Variants in TRMT10B observed in about 807,000 individuals in gnomAD.
The protein encoded by TRMT10B is tRNA methyltransferase 10 homolog B.
In TRMT10B, 33 loss-of-function variants were observed where a neutral mutation model predicts 43.8. The ratio of observed to expected loss-of-function variants is 0.75; its 90% CI spans 0.57 to 1.01. The LOEUF (loss-of-function observed/expected upper bound fraction) is 1.01. TRMT10B is among the 50% of genes least tolerant of loss of function. TRMT10B has a pLI of 0.00. For synonymous variants in TRMT10B, 137 were observed against 130.6 expected (o/e 1.05, Z -0.34); for missense variants, 362 against 369.8 (o/e 0.98, Z 0.17).
intron 3 of TRMT10B, 99 bp from the exon 4 acceptor site, chr9:37,763,530 T>C (rs1826641082): frequency 9.7e-7 from 1 of 1,028,450 alleles, no homozygotes; most frequent in Non-Finnish European, 1.4e-6. Context: ...GTATCAAGTT[T>C]CTCTTTATAT....
At position 37,778,384 on chromosome 9, in the gene TRMT10B, G is replaced by A. The variant is rs1229555016; in HGVS notation, c.*677G>A. 6.6e-6 allele frequency: 1 copy of A among 152,114 alleles called. No individual in the cohort carries two copies. Among genetic ancestry groups the A allele is most frequent in the Non-Finnish European group, 1.5e-5 (1 of 68,096 alleles). 9.4% of individuals were successfully genotyped at this position (152,114 alleles called of 1,614,324 possible). On this transcript the variant is annotated 3_prime_UTR_variant, in exon 9 of 9. Transcript: ENST00000297994. ...ACAAAAATTAGCTGGGCATGGTGGT[G>A]CGTGCCTGTAGTCTCAGCTACTCAG...
In TRMT10B at chr9:37,763,734, C is replaced by A. The variant is rs770578202; in HGVS notation, c.401C>A (p.Thr134Asn). The A allele has an allele frequency of 3.7e-6, 6 of 1,613,980 alleles. No homozygotes were observed. In the African/African-American group the frequency reaches 8.0e-5, roughly 22 times the overall value. The stretch of plus-strand genomic sequence containing the variant: ...AGACTATGTATCGATTTGAGTATGA[C>A]CCACTACATGTCAAAGAAGGTAGAA... ...GPRLCIDLSM[T>N]HYMSKKELSR... The change falls in exon 4 of 9, where the codon ACC (threonine) becomes AAC (asparagine). Residue 134 changes from threonine to asparagine, a missense_variant. Coordinates refer to ENST00000297994, the MANE Select transcript of TRMT10B (RefSeq NM_144964.4).
chr9:37,759,526 T>TG (rs1482705577), intron 1 of TRMT10B, among the ~76,000 whole-genome samples: 4 of 152,200 alleles, frequency 2.6e-5, no homozygotes, highest in African/African-American at 9.6e-5. Flanking sequence ...TTAAACTTTC[T>TG]GGGGAGTGAG....
chr9:37,767,019 T>C (rs1232218053), intron 4 of TRMT10B: 1 of 152,208 alleles, frequency 6.6e-6, no homozygotes, highest in Non-Finnish European at 1.5e-5. Context: ...ATTCCCAGTT[T>C]TGACAGATGT....
chr9:37,763,479 C>T, intron 3 of TRMT10B, 150 bp from the exon 4 acceptor site: 2 of 650,730 alleles, frequency 3.1e-6, no homozygotes, highest in East Asian at 5.6e-5. Context: ...TACTCCTCAC[C>T]ACTCTGTGTA....
chr9:37,754,357 C>A (rs560296749), intron 1 of TRMT10B, among the ~76,000 whole-genome samples: 7 of 152,056 alleles, frequency 4.6e-5, no homozygotes, highest in African/African-American at 1.2e-4. Context: ...GTAAAGAGAA[C>A]GGCGAATGTA....
At chr9:37,759,343 A>T (rs1248786779) in intron 1 of TRMT10B, among the ~76,000 whole-genome samples, 1 of 152,226 alleles carries the variant, frequency 6.6e-6, no homozygotes, top group African/African-American at 2.4e-5. Context: ...TAAGTCTCAA[A>T]TATTTTGAGG....
chr9:37,755,389 C>T (rs2118650490), intron 1 of TRMT10B, among the ~76,000 whole-genome samples: 1 of 150,788 alleles, frequency 6.6e-6, no homozygotes, highest in South Asian at 2.1e-4. Context: ...TTTAACTGCA[C>T]ATTTACAAAT....
intron 4 of TRMT10B, 36 bp from the exon 5 acceptor site, chr9:37,768,040 A>C: frequency 6.2e-7 from 1 of 1,608,320 alleles, no homozygotes. Flanking sequence ...GTGAGTTGGC[A>C]TGTTTTTGCC....
upstream of TRMT10B, among the ~76,000 whole-genome samples, chr9:37,753,057 C>T (rs1353720293): frequency 6.7e-6 from 1 of 150,232 alleles, no homozygotes; most frequent in African/African-American, 2.5e-5. Context: ...GCCCGTGTGA[C>T]CACGAACCCA....
chr9:37,776,323 C>G lies in TRMT10B; in HGVS notation c.762C>G (p.Thr254=). ...FQKAREYSVK[T]ARLPIQEYMV... ...AGGCCCGGGAATACTCTGTCAAGAC[C>G]GCACGCTTGCCAATCCAGGAATACA... The change falls in exon 8 of 9, where the codon ACC becomes ACG. Residue 254 remains threonine (T), a synonymous_variant. Coordinates refer to ENST00000297994, the MANE Select transcript of TRMT10B (RefSeq NM_144964.4). The G allele has an allele frequency of 6.2e-7, 1 of 1,610,696 alleles. No homozygotes were observed. Among genetic ancestry groups the G allele is most frequent in the Non-Finnish European group, 8.5e-7 (1 of 1,178,428 alleles).
intron 1 of TRMT10B, among the ~76,000 whole-genome samples, chr9:37,754,700 C>T (rs1017277684): frequency 3.9e-5 from 6 of 152,172 alleles, no homozygotes; most frequent in Non-Finnish European, 8.8e-5. Flanking sequence ...ATGTCATCCC[C>T]AAGTCCCCAG....
intron 2 of TRMT10B, 45 bp downstream of exon 2, chr9:37,762,162 G>A (rs1466829386): frequency 4.5e-6 from 7 of 1,558,848 alleles, no homozygotes; most frequent in African/African-American, 2.7e-5. Flanking sequence ...ATGATGGAAT[G>A]TCTCAAGACA....
intron 7 of TRMT10B, among the ~76,000 whole-genome samples, chr9:37,773,219 C>G (rs747634913): frequency 6.6e-6 from 1 of 152,028 alleles, no homozygotes; most frequent in African/African-American, 2.4e-5. Flanking sequence ...GCAATCCTTG[C>G]GCCTCAGCCT....
chr9:37,775,608 C>T (rs1369177907), intron 7 of TRMT10B, among the ~76,000 whole-genome samples: 1 of 152,158 alleles, frequency 6.6e-6, no homozygotes, highest in Non-Finnish European at 1.5e-5. Flanking sequence ...CAGCTCATTG[C>T]AGCCTTGATA....
intron 4 of TRMT10B, among the ~76,000 whole-genome samples, chr9:37,765,695 TC>T (rs1414041330): frequency 2.6e-5 from 4 of 152,192 alleles, no homozygotes; most frequent in Non-Finnish European, 4.4e-5. Context: ...TAGTTTCCAG[TC>T]CCACCAACAG....
chr9:37,765,038 G>C lies in TRMT10B; in HGVS notation c.420+1285G>C, dbSNP rs572534184. Among the ~76,000 whole-genome samples, 6 of 152,220 alleles carry C rather than the reference G, an allele frequency of 3.9e-5. No homozygotes were observed. The East Asian group carries it at 7.7e-4, about 20-fold the overall frequency. ...GATTGGCTTGTTAGGAAAATTCCATGGGCTGGCAGGGAACCAAAACTCCTT... is the reference window on the plus strand; with the variant it reads ...GATTGGCTTGTTAGGAAAATTCCATCGGCTGGCAGGGAACCAAAACTCCTT... On this transcript the variant is annotated intron_variant, in intron 4 of 8. Transcript: ENST00000297994.
intron 7 of TRMT10B, among the ~76,000 whole-genome samples, chr9:37,772,942 AG>A (rs1827741152): frequency 6.6e-6 from 1 of 152,250 alleles, no homozygotes. Flanking sequence ...GGGAAAGTTT[AG>A]GAAATTTTAA....
At chr9:37,777,232 A>AAAAAT (rs1491378300) in intron 8 of TRMT10B, among the ~76,000 whole-genome samples, 2 of 106,500 alleles carry the variant, frequency 1.9e-5, no homozygotes, top group Admixed American at 1.1e-4. Context: ...AAAAAAAAAA[A>AAAAAT]TTGTCCCCTT....
Sources: allele counts gnomAD v4.1 joint callset (sites outside exome capture counted in the v4.1 genomes callset), GRCh38; gene constraint gnomAD v4.1.1; transcripts MANE v1.5; gene names NCBI Gene and HGNC (gene_info 2026-07-23, HGNC 2026-07-21).